Variants in SCPPPQ1 observed in about 807,000 individuals in gnomAD.
SCPPPQ1 encodes secretory calcium-binding phosphoprotein proline- and glutamine-rich 1.
the SCPPPQ1 span, chr4:87,462,276 C>T: frequency 3.9e-5 from 6 of 152,176 alleles, no homozygotes; most frequent in African/African-American, 1.4e-4. Flanking sequence ...ACTAAATAAG[C>T]ACTTCAGGGC....
At chr4:87,470,026 C>T in the SCPPPQ1 span, among the ~76,000 whole-genome samples, 1 of 150,246 alleles carries the variant, frequency 6.7e-6, no homozygotes, top group African/African-American at 2.4e-5. Context: ...CAATCATAGC[C>T]TCCTGTACCC....
the SCPPPQ1 span, among the ~76,000 whole-genome samples, chr4:87,467,217 C>G: frequency 2.0e-5 from 3 of 152,288 alleles, no homozygotes; most frequent in South Asian, 4.2e-4. Context: ...TGAACTTATA[C>G]TGTTTGTACC....
At chr4:87,470,359 T>C in the SCPPPQ1 span, among the ~76,000 whole-genome samples, 2 of 152,308 alleles carry the variant, frequency 1.3e-5, no homozygotes, top group South Asian at 4.1e-4. Context: ...TTTTATGTAA[T>C]ACACAAATAA....
the SCPPPQ1 span, among the ~76,000 whole-genome samples, chr4:87,466,456 T>C: frequency 6.6e-6 from 1 of 152,222 alleles, no homozygotes; most frequent in Non-Finnish European, 1.5e-5. Context: ...CCAAAATAAT[T>C]AGCAATTAAT....
the SCPPPQ1 span, among the ~76,000 whole-genome samples, chr4:87,464,498 G>A: frequency 6.6e-6 from 1 of 152,030 alleles, no homozygotes; most frequent in Non-Finnish European, 1.5e-5. Flanking sequence ...ACTATTTTGG[G>A]ATCACCTCTT....
the SCPPPQ1 span, among the ~76,000 whole-genome samples, chr4:87,468,574 A>G: frequency 1.2e-4 from 19 of 152,232 alleles, no homozygotes; most frequent in Non-Finnish European, 7.3e-5. Context: ...ATGTCTATAT[A>G]GGTGAAGTTA....
At chr4:87,466,028 T>G in the SCPPPQ1 span, among the ~76,000 whole-genome samples, 1 of 152,168 alleles carries the variant, frequency 6.6e-6, no homozygotes, top group Non-Finnish European at 1.5e-5. Flanking sequence ...AAATTTAAAT[T>G]TAAATGTTAA....
chr4:87,465,687 A>G, the SCPPPQ1 span, among the ~76,000 whole-genome samples: 1 of 152,054 alleles, frequency 6.6e-6, no homozygotes, highest in Non-Finnish European at 1.5e-5. Context: ...CATCCCTACA[A>G]TATTTACTGA....
chr4:87,464,704 A>C, the SCPPPQ1 span, among the ~76,000 whole-genome samples: 1 of 152,054 alleles, frequency 6.6e-6, no homozygotes, highest in Non-Finnish European at 1.5e-5. Context: ...CCAGCGTGGT[A>C]GTGCGTCCCT....
At chr4:87,465,005 T>A in the SCPPPQ1 span, among the ~76,000 whole-genome samples, 1 of 152,246 alleles carries the variant, frequency 6.6e-6, no homozygotes, top group Non-Finnish European at 1.5e-5. Flanking sequence ...ATACCATGAC[T>A]GTAACCTTAA....
At chr4:87,470,885 A>G in the SCPPPQ1 span, among the ~76,000 whole-genome samples, 1 of 152,110 alleles carries the variant, frequency 6.6e-6, no homozygotes, top group African/African-American at 2.4e-5. Flanking sequence ...GGATTCAAAC[A>G]CTAATTTCTT....
the SCPPPQ1 span, among the ~76,000 whole-genome samples, chr4:87,465,665 CATCT>C: frequency 3.3e-5 from 5 of 151,908 alleles, no homozygotes; most frequent in South Asian, 2.1e-4. Flanking sequence ...TCCTTCCACC[CATCT>C]ATCCATCCAT....
the SCPPPQ1 span, among the ~76,000 whole-genome samples, chr4:87,469,595 G>A: frequency 6.6e-6 from 1 of 152,312 alleles, no homozygotes; most frequent in African/African-American, 2.4e-5. Flanking sequence ...TACTCACGGG[G>A]ATGGGCAGAG....
chr4:87,466,889 T>C, the SCPPPQ1 span, among the ~76,000 whole-genome samples: 42,165 of 151,986 alleles, frequency 0.28, 7,152 homozygotes, highest in East Asian at 0.41. Flanking sequence ...AGTTTTAAAA[T>C]GTATGTGATT....
the SCPPPQ1 span, among the ~76,000 whole-genome samples, chr4:87,461,481 A>G: frequency 0.017 from 2,624 of 152,296 alleles, 85 homozygotes; most frequent in African/African-American, 0.06. Flanking sequence ...TTTGGCTAGC[A>G]TTGTTGAAGT....
At chr4:87,466,836 G>A in the SCPPPQ1 span, among the ~76,000 whole-genome samples, 1 of 152,032 alleles carries the variant, frequency 6.6e-6, no homozygotes, top group Non-Finnish European at 1.5e-5. Flanking sequence ...GACTAGCCTG[G>A]GTGACATAGT....
the SCPPPQ1 span, among the ~76,000 whole-genome samples, chr4:87,463,052 A>G: frequency 6.6e-6 from 1 of 151,774 alleles, no homozygotes; most frequent in Non-Finnish European, 1.5e-5. Flanking sequence ...TTCATATTGC[A>G]TATATGCCTG....
the SCPPPQ1 span, among the ~76,000 whole-genome samples, chr4:87,467,771 C>T: frequency 6.6e-6 from 1 of 152,126 alleles, no homozygotes; most frequent in Non-Finnish European, 1.5e-5. Context: ...ACAAATAAAT[C>T]CTTTTAGCTA....
chr4:87,466,342 C>G, the SCPPPQ1 span, among the ~76,000 whole-genome samples: 1 of 152,038 alleles, frequency 6.6e-6, no homozygotes, highest in Non-Finnish European at 1.5e-5. Context: ...TGTACTCCAG[C>G]CTGGGCAACA....
Sources: allele counts gnomAD v4.1 joint callset (sites outside exome capture counted in the v4.1 genomes callset), GRCh38; gene constraint gnomAD v4.1.1; transcripts MANE v1.5; gene names NCBI Gene and HGNC (gene_info 2026-07-23, HGNC 2026-07-21).